Variants in PLEKHA5 observed in about 807,000 individuals in gnomAD.
PLEKHA5 encodes pleckstrin homology domain-containing family A member 5.
A neutral mutation model predicts 181.9 loss-of-function variants in PLEKHA5; 55 were observed. The observed-to-expected ratio is 0.30, with a 90% CI of 0.24 to 0.38. PLEKHA5 has a LOEUF of 0.38. Ranked by LOEUF, PLEKHA5 falls within the 10% of genes least tolerant of loss-of-function variation. The pLI is 1.00. For missense variants in PLEKHA5, 1,432 were observed against 1,549.5 expected (o/e 0.92, Z 1.27); for synonymous variants, 535 against 529.4 (o/e 1.01, Z -0.15).
At chr12:19,316,995 A>G (rs1314630840) in intron 16 of PLEKHA5, among the ~76,000 whole-genome samples, 1 of 152,090 alleles carries the variant, frequency 6.6e-6, no homozygotes, top group African/African-American at 2.4e-5. Flanking sequence ...AAATGTTTGC[A>G]TTTTTCTTCC....
intron 15 of PLEKHA5, among the ~76,000 whole-genome samples, chr12:19,294,013 A>T (rs2079132681): frequency 6.6e-6 from 1 of 152,210 alleles, no homozygotes; most frequent in African/African-American, 2.4e-5. Flanking sequence ...ATTTATCTGA[A>T]GTAAAGCTAT....
intron 3 of PLEKHA5, among the ~76,000 whole-genome samples, chr12:19,178,644 G>C (rs1047388330): frequency 3.3e-5 from 5 of 152,166 alleles, no homozygotes; most frequent in Admixed American, 2.0e-4. Context: ...GGATTTTTCT[G>C]GTTGATAGAG....
At position 19,309,611 on chromosome 12, in the gene PLEKHA5, T is replaced by C. The variant is rs138708656; in HGVS notation, c.2038-5203T>C. On this transcript the variant is annotated intron_variant, in intron 15 of 31. Transcript: ENST00000429027. ...TCTTTACTAAAAATAGAAAAATTAC[T>C]GGTAGGCGCCTGTAATCCCAGCTAC... 9.0e-3 allele frequency among the ~76,000 whole-genome samples: 1,365 copies of C among 152,034 alleles called. 17 individuals are homozygous for C. The highest frequency in any genetic ancestry group is 0.032 in the African/African-American group (1,315 of 41,438).
At chr12:19,202,574 A>C (rs11833559) in intron 3 of PLEKHA5, among the ~76,000 whole-genome samples, 71 of 141,906 alleles carry the variant, frequency 5.0e-4, no homozygotes, top group African/African-American at 1.7e-3. Flanking sequence ...CTATAACCCA[A>C]TGGTAAACAA....
chr12:19,145,350 C>T (rs2038635580), intron 3 of PLEKHA5, among the ~76,000 whole-genome samples: 2 of 152,096 alleles, frequency 1.3e-5, no homozygotes, highest in Non-Finnish European at 2.9e-5. Flanking sequence ...GGAAGATGTT[C>T]CTACTCCTCC....
chr12:19,218,642 A>G (rs976683018), intron 3 of PLEKHA5, among the ~76,000 whole-genome samples: 3 of 152,118 alleles, frequency 2.0e-5, no homozygotes, highest in African/African-American at 7.2e-5. Context: ...TCTCTGTAAA[A>G]AACATGTCTA....
chr12:19,238,360 C>A (rs1248205711), intron 3 of PLEKHA5, among the ~76,000 whole-genome samples: 1 of 152,028 alleles, frequency 6.6e-6, no homozygotes, highest in Admixed American at 6.6e-5. Context: ...TAGGAATTAA[C>A]ACTAACTGCT....
intron 7 of PLEKHA5, among the ~76,000 whole-genome samples, chr12:19,265,127 A>T (rs1381697258): frequency 6.6e-6 from 1 of 152,244 alleles, no homozygotes; most frequent in African/African-American, 2.4e-5. Flanking sequence ...TATAATTTAT[A>T]TAGCATAGTT....
At chr12:19,151,100 T>G (rs570953611) in intron 3 of PLEKHA5, 1 of 152,430 alleles carries the variant, frequency 6.6e-6, no homozygotes, top group Non-Finnish European at 1.5e-5. Context: ...AGAGAATGGA[T>G]GGCTCAGGTA....
intron 3 of PLEKHA5, chr12:19,243,591 G>T (rs901788309): frequency 6.6e-6 from 1 of 152,148 alleles, no homozygotes; most frequent in Non-Finnish European, 1.5e-5. Flanking sequence ...TCTAAATGAT[G>T]AGAGGAGAAA....
intron 3 of PLEKHA5, among the ~76,000 whole-genome samples, chr12:19,240,449 T>TTG (rs1382391057): frequency 6.6e-6 from 1 of 150,590 alleles, no homozygotes; most frequent in Admixed American, 6.6e-5. Context: ...AGTTTTTTTT[T>TTG]TTTTTTTTTT....
intron 16 of PLEKHA5, chr12:19,319,513 A>G (rs1262830861): frequency 6.5e-6 from 1 of 153,134 alleles, no homozygotes; most frequent in Non-Finnish European, 1.5e-5. Flanking sequence ...ATACATTCTT[A>G]TGTATTATGC....
intron 12 of PLEKHA5, among the ~76,000 whole-genome samples, chr12:19,286,547 G>A (rs1395226885): frequency 6.6e-6 from 1 of 152,068 alleles, no homozygotes; most frequent in African/African-American, 2.4e-5. Flanking sequence ...CAAGAATCCA[G>A]CCAGACATTA....
intron 3 of PLEKHA5, among the ~76,000 whole-genome samples, chr12:19,173,005 C>CTTTTTTT (rs71064064): frequency 0.022 from 727 of 33,554 alleles, 268 homozygotes; most frequent in East Asian, 0.049. Flanking sequence ...ATTTCCCTTT[C>CTTTTTTT]TTTTTTTTTT....
intron 15 of PLEKHA5, among the ~76,000 whole-genome samples, chr12:19,305,350 C>A (rs1312709377): frequency 6.6e-6 from 1 of 150,834 alleles, no homozygotes; most frequent in Non-Finnish European, 1.5e-5. Flanking sequence ...ATCACAAGGT[C>A]GGGAGTTCAA....
At chr12:19,246,686 T>C (rs2063837719) in intron 3 of PLEKHA5, among the ~76,000 whole-genome samples, 1 of 152,072 alleles carries the variant, frequency 6.6e-6, no homozygotes. Context: ...TTCTGATTTT[T>C]AAATAACTTC....
At chr12:19,212,626 C>T (rs2057141042) in intron 3 of PLEKHA5, among the ~76,000 whole-genome samples, 1 of 152,080 alleles carries the variant, frequency 6.6e-6, no homozygotes, top group African/African-American at 2.4e-5. Context: ...CAGGGCAAAA[C>T]CCTGTCTCGA....
At chr12:19,338,262 G>A (rs2153142779) in intron 21 of PLEKHA5, among the ~76,000 whole-genome samples, 1 of 152,170 alleles carries the variant, frequency 6.6e-6, no homozygotes, top group African/African-American at 2.4e-5. Flanking sequence ...GAGTGCAGTA[G>A]CATGATCCTA....
chr12:19,232,939 C>T (rs1292072511), intron 3 of PLEKHA5, among the ~76,000 whole-genome samples: 1 of 152,096 alleles, frequency 6.6e-6, no homozygotes, highest in Non-Finnish European at 1.5e-5. Context: ...TTATACTCTA[C>T]TTCAGTTTAT....
Sources: gnomAD v4.1 joint callset for allele counts (sites outside exome capture counted in the v4.1 genomes callset) on GRCh38, gnomAD v4.1.1 for gene constraint, MANE v1.5 for transcripts, NCBI Gene and HGNC (gene_info 2026-07-23, HGNC 2026-07-21) for gene names.